Variants in PPM1H observed in about 807,000 individuals in gnomAD.
PPM1H encodes the protein protein phosphatase 1H.
Under a neutral mutation model 54.9 loss-of-function variants are expected in PPM1H, and 27 were observed. The ratio of observed to expected loss-of-function variants is 0.49; its 90% confidence interval spans 0.36 to 0.68. The LOEUF (loss-of-function observed/expected upper bound fraction) is 0.68, where lower values mean the gene tolerates loss of function less well. Among genes scored for constraint, PPM1H ranks in the 30% least tolerant of loss-of-function variants. The pLI is 0.00. For synonymous variants in PPM1H, 305 were observed against 270.8 expected (o/e 1.13, Z -1.24); for missense variants, 596 against 667.8 (o/e 0.89, Z 1.19).
At chr12:62,731,164 C>T (rs1270246874) in intron 5 of PPM1H, among the ~76,000 whole-genome samples, 1 of 152,104 alleles carries the variant, frequency 6.6e-6, no homozygotes, top group Non-Finnish European at 1.5e-5. Context: ...GAAAAAAATG[C>T]CACAATAGCT....
chr12:62,790,977 C>T (rs1258160559), intron 3 of PPM1H, among the ~76,000 whole-genome samples: 6 of 152,154 alleles, frequency 3.9e-5, no homozygotes, highest in Non-Finnish European at 5.9e-5. Context: ...ACATTGAGAG[C>T]GGTGGCCTTT....
chr12:62,934,461 G>T lies in PPM1H; in HGVS notation c.245+31C>A. 3 of 1,518,204 alleles carry T rather than the reference G, an allele frequency of 2.0e-6. No homozygotes were observed. The South Asian group carries it at 3.8e-5, about 19-fold the overall frequency. 94.0% of individuals were successfully genotyped at this position (1,518,204 alleles called of 1,614,324 possible). On this transcript the variant is annotated intron_variant, in intron 1 of 9. Transcript: ENST00000228705. The surrounding 1 kb of genome is among the most constrained non-coding windows in gnomAD (Gnocchi z 4.2). ...CGTGCGGGGAAGGGCCGCGAGGAGAGCAGGGGCGCCGCCGGTGTCGCTGCA... is the reference window on the plus strand; with the variant it reads ...CGTGCGGGGAAGGGCCGCGAGGAGATCAGGGGCGCCGCCGGTGTCGCTGCA...
intron 1 of PPM1H, among the ~76,000 whole-genome samples, chr12:62,873,162 C>T (rs150234717): frequency 2.6e-5 from 4 of 152,306 alleles, no homozygotes; most frequent in African/African-American, 9.6e-5. Flanking sequence ...TGTCACATAG[C>T]CTCCACATGG....
At chr12:62,780,839 C>T (rs981943746) in intron 4 of PPM1H, among the ~76,000 whole-genome samples, 1 of 152,216 alleles carries the variant, frequency 6.6e-6, no homozygotes, top group African/African-American at 2.4e-5. Flanking sequence ...ACAAAGTTTC[C>T]TCCTGGCACT....
At chr12:62,676,163 G>A (rs1332116937) in intron 8 of PPM1H, among the ~76,000 whole-genome samples, 3 of 152,192 alleles carry the variant, frequency 2.0e-5, no homozygotes, top group Admixed American at 6.5e-5. Context: ...TGACAGCCTG[G>A]CTTCCATGCT....
chr12:62,861,544 A>G (rs188588552), intron 1 of PPM1H, among the ~76,000 whole-genome samples: 2 of 152,336 alleles, frequency 1.3e-5, no homozygotes, highest in Non-Finnish European at 2.9e-5. Context: ...TCTCCTCGTC[A>G]GACACATTGC....
At chr12:62,819,652 G>T (rs1251384105) in intron 2 of PPM1H, among the ~76,000 whole-genome samples, 10 of 152,144 alleles carry the variant, frequency 6.6e-5, no homozygotes, top group Non-Finnish European at 1.2e-4. Context: ...TGCCTTTTAA[G>T]TTTGTTTTGT....
rs145573245 is a variant in PPM1H at position 62,926,117 on chromosome 12, A to T, written c.245+8375T>A. Among the ~76,000 whole-genome samples, 707 of 152,282 alleles carry T rather than the reference A, an allele frequency of 4.6e-3. 9 individuals carry two copies. The highest frequency in any genetic ancestry group is 0.01 in the Middle Eastern group (3 of 294). On this transcript the variant is annotated intron_variant, in intron 1 of 9. Coordinates refer to ENST00000228705, the MANE Select transcript of PPM1H (RefSeq NM_020700.2). ...TGAACCTATTGGAGTCTCTCTCCCA[A>T]AAATTCAAAATTGGAATTGAAGCCA...
intron 7 of PPM1H, among the ~76,000 whole-genome samples, chr12:62,692,801 T>C (rs2076089978): frequency 6.6e-6 from 1 of 152,218 alleles, no homozygotes; most frequent in African/African-American, 2.4e-5. Context: ...GTTTAAAAAA[T>C]GATTCCTACA....
chr12:62,648,691 G>T, intron 9 of PPM1H, 55 bp from the exon 10 acceptor site: 6 of 1,564,948 alleles, frequency 3.8e-6, no homozygotes, highest in Admixed American at 1.7e-5. Flanking sequence ...CAGAAGCCAG[G>T]GTCAAGTGAG....
chr12:62,847,190 A>C (rs2120918417), intron 1 of PPM1H, among the ~76,000 whole-genome samples: 1 of 152,316 alleles, frequency 6.6e-6, no homozygotes, highest in South Asian at 2.1e-4. Flanking sequence ...CAAAGAGGAG[A>C]AGAGTACATA....
At chr12:62,838,034 C>T (rs1158957847) in intron 1 of PPM1H, among the ~76,000 whole-genome samples, 1 of 152,190 alleles carries the variant, frequency 6.6e-6, no homozygotes, top group Non-Finnish European at 1.5e-5. Context: ...GATTCCCACC[C>T]CGATCTGCCC....
At chr12:62,926,200 G>A (rs982617490) in intron 1 of PPM1H, among the ~76,000 whole-genome samples, 4 of 152,190 alleles carry the variant, frequency 2.6e-5, no homozygotes, top group African/African-American at 9.6e-5. Context: ...GTGCCCTGGT[G>A]AAAGACTGAA....
chr12:62,918,624 A>G (rs1451053201), intron 1 of PPM1H, among the ~76,000 whole-genome samples: 1 of 152,212 alleles, frequency 6.6e-6, no homozygotes, highest in African/African-American at 2.4e-5. Flanking sequence ...GAAAAATGTC[A>G]CTTTTCAAAT....
intron 6 of PPM1H, among the ~76,000 whole-genome samples, chr12:62,713,930 C>T (rs1452088264): frequency 3.3e-5 from 5 of 151,830 alleles, no homozygotes; most frequent in South Asian, 2.1e-4. Context: ...GTCATGTGAC[C>T]GCCTTCCAGC....
intron 5 of PPM1H, among the ~76,000 whole-genome samples, chr12:62,723,070 A>G (rs1442866272): frequency 6.6e-6 from 1 of 152,212 alleles, no homozygotes; most frequent in Non-Finnish European, 1.5e-5. Flanking sequence ...GAACACTTAC[A>G]TTAGCCTACA....
chr12:62,811,913 C>T (rs1344884422), intron 2 of PPM1H, among the ~76,000 whole-genome samples: 1 of 152,172 alleles, frequency 6.6e-6, no homozygotes, highest in Non-Finnish European at 1.5e-5. Flanking sequence ...CTATCAAGCA[C>T]CTATGTTTAA....
chr12:62,682,550 C>G (rs4026213), intron 8 of PPM1H, among the ~76,000 whole-genome samples: 12,517 of 152,202 alleles, frequency 0.082, 580 homozygotes, highest in Non-Finnish European at 0.095. Flanking sequence ...CACCAAGGCT[C>G]GAGAGCAGTG....
rs925943992 is a variant in PPM1H, at chr12:62,662,095, C to T, written c.1397+5083G>A. Among the ~76,000 whole-genome samples, 12 of 152,288 alleles carry T rather than the reference C, an allele frequency of 7.9e-5. 1 individual carries two copies. Among genetic ancestry groups the T allele is most frequent in the South Asian group, 6.2e-4 (3 of 4,826 alleles). On this transcript the variant is annotated intron_variant, in intron 9 of 9. Coordinates refer to ENST00000228705, the MANE Select transcript of PPM1H (RefSeq NM_020700.2). ...CAGCAGTTCTCGTGGACCCCAGGAG[C>T]CTGCTCTGACCTGGCATGTGCACGC...
Sources: gnomAD v4.1 joint callset for allele counts (sites outside exome capture counted in the v4.1 genomes callset) on GRCh38, gnomAD v4.1.1 for gene constraint, Gnocchi (gnomAD v3.1) non-coding constraint, MANE v1.5 for transcripts, NCBI Gene and HGNC (gene_info 2026-07-23, HGNC 2026-07-21) for gene names.